The following MBD5 variants were observed in gnomAD, a reference collection of about 807,000 sequenced individuals.
The protein encoded by MBD5 is methyl-CpG-binding domain protein 5.
In MBD5, 13 loss-of-function variants were observed where a neutral mutation model predicts 117.3. The observed-to-expected ratio is 0.11, with a 90% CI of 0.07 to 0.18. MBD5 has a LOEUF of 0.18. Among genes scored for constraint, MBD5 ranks in the 10% least tolerant of loss-of-function variants. The probability of loss-of-function intolerance (pLI) is 1.00; values close to 1 mark genes in which losing one functional copy is unlikely to be tolerated. For missense variants in MBD5, 1,879 were observed against 2,093.8 expected (o/e 0.90, Z 2.00); for synonymous variants, 727 against 766.4 (o/e 0.95, Z 0.85).
chr2:148,218,590 G>T (rs1053691947), intron 2 of MBD5, among the ~76,000 whole-genome samples: 2 of 152,184 alleles, frequency 1.3e-5, no homozygotes, highest in Non-Finnish European at 2.9e-5. Flanking sequence ...TCCTCATTGT[G>T]TGAACAGCAT....
At chr2:148,306,523 G>C (rs1391408223) in intron 3 of MBD5, among the ~76,000 whole-genome samples, 1 of 152,054 alleles carries the variant, frequency 6.6e-6, no homozygotes. Flanking sequence ...TCCATATTTT[G>C]GAGAGATTAG....
intron 1 of MBD5, among the ~76,000 whole-genome samples, chr2:148,102,729 CAGAGAG>C (rs70992193): frequency 0.096 from 9,774 of 101,818 alleles, 356 homozygotes; most frequent in Middle Eastern, 0.13. Flanking sequence ...CACACACACA[CAGAGAG>C]AGAGAGAGAG....
At chr2:148,065,121 G>T (rs556405204) in intron 1 of MBD5, among the ~76,000 whole-genome samples, 1 of 152,232 alleles carries the variant, frequency 6.6e-6, no homozygotes, top group East Asian at 1.9e-4. Flanking sequence ...AAGATTAGGG[G>T]TTTGATAGCT....
intron 1 of MBD5, chr2:148,044,677 G>C (rs1012897580): frequency 6.6e-6 from 1 of 152,064 alleles, no homozygotes; most frequent in African/African-American, 2.4e-5. Flanking sequence ...TATAATAAAA[G>C]TGCCTGTTAA....
At chr2:148,385,809 A>T (rs965187665) in intron 4 of MBD5, among the ~76,000 whole-genome samples, 43 of 151,914 alleles carry the variant, frequency 2.8e-4, no homozygotes, top group African/African-American at 1.0e-3. Context: ...TGTCCTTAGT[A>T]GGGACATGGA....
rs1299972462 is a variant in MBD5 at position 148,483,741 on chromosome 2, A to G, written c.3150A>G (p.Leu1050=). The G allele has an allele frequency of 6.4e-7, 1 of 1,550,392 alleles. No homozygotes were observed. Among genetic ancestry groups the G allele is most frequent in the Non-Finnish European group, 8.7e-7 (1 of 1,146,956 alleles). ...QSDNSRAETL[L]TSPLGNPLPS... is the part of the protein sequence containing the mutation. ...ACAACAGCCGAGCTGAGACCCTTTT[A>G]ACCAGCCCCCTGGGGAACCCTTTAC... Residue 1050 remains leucine, a synonymous_variant, in exon 9 of 14, where the codon TTA becomes TTG. Transcript: ENST00000642680.
intron 3 of MBD5, among the ~76,000 whole-genome samples, chr2:148,317,049 ATAT>A (rs1278925130): frequency 2.6e-5 from 4 of 152,176 alleles, no homozygotes; most frequent in African/African-American, 9.7e-5. Context: ...AAGGAGATTA[ATAT>A]TATCCCAAAA....
chr2:148,440,304 T>A (rs1706280490), intron 4 of MBD5, among the ~76,000 whole-genome samples: 1 of 152,228 alleles, frequency 6.6e-6, no homozygotes, highest in Non-Finnish European at 1.5e-5. Flanking sequence ...AGTTCACTGT[T>A]TTTCTGATTT....
intron 3 of MBD5, among the ~76,000 whole-genome samples, chr2:148,300,345 G>T (rs544969293): frequency 1.3e-5 from 2 of 152,100 alleles, no homozygotes; most frequent in African/African-American, 2.4e-5. Flanking sequence ...GAGCCATTGC[G>T]CCCGGGCATG....
Position 148,302,964 on chromosome 2 carries a change from T to C in MBD5, c.-679-39250T>C, listed in dbSNP as rs189395565. 3.1e-4 allele frequency among the ~76,000 whole-genome samples: 46 copies of C among 149,138 alleles called. 1 individual carries two copies. The highest frequency in any genetic ancestry group is 2.1e-3 in the Admixed American group (32 of 14,938). ...TTCATTATATCATATATACATTATA[T>C]GTTATACATTATTATATATATTATA... On this transcript the variant is annotated intron_variant, in intron 3 of 13. Transcript: ENST00000642680.
chr2:148,127,100 T>G (rs1696918825), intron 1 of MBD5, among the ~76,000 whole-genome samples: 1 of 151,840 alleles, frequency 6.6e-6, no homozygotes, highest in Non-Finnish European at 1.5e-5. Context: ...CCCAGCTTCC[T>G]GAGTAGCTGG....
chr2:148,171,703 C>T (rs1017916570), intron 1 of MBD5, among the ~76,000 whole-genome samples: 1 of 152,108 alleles, frequency 6.6e-6, no homozygotes, highest in African/African-American at 2.4e-5. Flanking sequence ...ATAACATGAT[C>T]TTATGTATAA....
intron 10 of MBD5, among the ~76,000 whole-genome samples, chr2:148,488,532 G>A (rs929240597): frequency 2.6e-5 from 4 of 151,776 alleles, no homozygotes; most frequent in Admixed American, 6.6e-5. Flanking sequence ...CTGATGTGTC[G>A]ACAGATCCCA....
chr2:148,490,267 G>C lies in MBD5; in HGVS notation c.4635G>C (p.Leu1545=). The C allele has an allele frequency of 6.2e-7, 1 of 1,614,178 alleles. No homozygotes were observed. Among genetic ancestry groups the C allele is most frequent in the Non-Finnish European group, 8.5e-7 (1 of 1,180,032 alleles). Residue 1545 remains leucine, a synonymous_variant, in exon 11 of 14, where the codon CTG becomes CTC. Coordinates refer to ENST00000642680, the MANE Select transcript of MBD5 (RefSeq NM_001378120.1). ...TGCTAAGCACTGCAAAGCAAGACCT[G>C]GTCCTAGAGGAGCAGTCTCCAAGTT... is the stretch of plus-strand genomic sequence containing the variant. ...GELLSTAKQD[L]VLEEQSPSSS...
rs747135508 is a variant in MBD5, at chr2:148,468,744, C to T, written c.801C>T (p.His267=). ...GAGCTCCCAATTCTAGTCCTATTCA[C>T]CTGAATAGGACTCCTCTTTCTCCAC... ...FHGAPNSSPI[H]LNRTPLSPPS... The change falls in exon 8 of 14, where the codon CAC becomes CAT. Residue 267 remains histidine, a synonymous_variant. Transcript: ENST00000642680. 6.2e-7 allele frequency: 1 copy of T among 1,613,540 alleles called. No individual in the cohort carries two copies. Among genetic ancestry groups the T allele is most frequent in the Admixed American group, 1.7e-5 (1 of 59,996 alleles).
rs190918229 is a variant in MBD5 at position 148,366,261 on chromosome 2, C to T, written c.-557+23925C>T. 5.8e-3 allele frequency among the ~76,000 whole-genome samples: 812 copies of T among 139,070 alleles called. 5 individuals are homozygous for T. Among genetic ancestry groups the T allele is most frequent in the African/African-American group, 0.02 (761 of 38,066 alleles). 91.2% of individuals were successfully genotyped at this position (139,070 alleles called of 152,430 possible). On this transcript the variant is annotated intron_variant, in intron 4 of 13. Transcript: ENST00000642680. ...TCTCAATAGATGCAAAAAAGGCCTT[C>T]GATAAAATCCAACACCCCTTCATGC...
intron 1 of MBD5, among the ~76,000 whole-genome samples, chr2:148,043,384 C>T (rs1199582640): frequency 3.3e-5 from 5 of 151,890 alleles, no homozygotes; most frequent in South Asian, 2.1e-4. Flanking sequence ...ACCCAGGAGG[C>T]GGAGGTTGCA....
intron 4 of MBD5, among the ~76,000 whole-genome samples, chr2:148,454,527 A>G (rs75400962): frequency 7.5e-4 from 115 of 152,318 alleles, no homozygotes; most frequent in African/African-American, 2.6e-3. Context: ...AAATACATAT[A>G]ACAGTAAAAT....
chr2:148,410,147 G>T (rs1190122327), intron 4 of MBD5, among the ~76,000 whole-genome samples: 1 of 152,026 alleles, frequency 6.6e-6, no homozygotes, highest in Non-Finnish European at 1.5e-5. Flanking sequence ...ATAACAGTTT[G>T]TCCTTTTACC....
Sources: allele counts gnomAD v4.1 joint callset (sites outside exome capture counted in the v4.1 genomes callset), GRCh38; gene constraint gnomAD v4.1.1; transcripts MANE v1.5; gene names NCBI Gene and HGNC (gene_info 2026-07-23, HGNC 2026-07-21).